The following DDX60 variants were observed in gnomAD, a reference collection of about 807,000 sequenced individuals.
DDX60 encodes the protein DExD/H-box helicase 60, also known as probable ATP-dependent RNA helicase DDX60.
Under a neutral mutation model 212.8 loss-of-function variants are expected in DDX60, and 165 were observed. The ratio of observed to expected loss-of-function variants is 0.78; its 90% CI spans 0.68 to 0.88. The LOEUF (loss-of-function observed/expected upper bound fraction) is 0.88. Ranked by LOEUF, DDX60 falls within the 40% of genes least tolerant of loss-of-function variation. The pLI, the probability that DDX60 is intolerant of heterozygous loss-of-function variation, is 0.00. For missense variants in DDX60, 1,905 were observed against 2,003.9 expected, an observed-to-expected ratio of 0.95 and a Z score of 0.94; for synonymous variants, 703 against 685.3, an observed-to-expected ratio of 1.03 and a Z score of -0.40.
chr4:168,263,010 C>G (rs1011247860), intron 22 of DDX60, among the ~76,000 whole-genome samples: 1 of 152,088 alleles, frequency 6.6e-6, no homozygotes, highest in East Asian at 1.9e-4. Flanking sequence ...TATTACTTCC[C>G]AAGACCTTTT....
chr4:168,264,942 G>C (rs994733520), intron 22 of DDX60, among the ~76,000 whole-genome samples: 2 of 152,288 alleles, frequency 1.3e-5, no homozygotes, highest in Non-Finnish European at 2.9e-5. Context: ...ATTATACCAT[G>C]ATGCTATTTT....
intron 30 of DDX60, among the ~76,000 whole-genome samples, chr4:168,241,388 G>A (rs1420552166): frequency 6.6e-6 from 1 of 152,140 alleles, no homozygotes; most frequent in Non-Finnish European, 1.5e-5. Context: ...AAGCAGACAG[G>A]AACATGTGGG....
rs763236332 is a variant in DDX60, at chr4:168,261,032, A to C, written c.3274-43T>G. The C allele has an allele frequency of 1.9e-6, 3 of 1,567,808 alleles. No homozygotes were observed. The South Asian group carries it at 3.6e-5, about 19-fold the overall frequency. Reference sequence around the variant, plus strand: ...AAACAATTTTAAGTTCTGCATGAGAAAGAAAGAAATTACTACTTTTTGCTA... The same window carrying C: ...AAACAATTTTAAGTTCTGCATGAGACAGAAAGAAATTACTACTTTTTGCTA... On this transcript the variant is annotated intron_variant, in intron 24 of 37. Coordinates refer to ENST00000393743, the MANE Select transcript of DDX60 (RefSeq NM_017631.6).
intron 27 of DDX60, 66 bp from the exon 28 acceptor site, chr4:168,251,172 A>C: frequency 7.0e-7 from 1 of 1,429,568 alleles, no homozygotes. Flanking sequence ...TGTCTAAATG[A>C]AAATAACATG....
chr4:168,288,059 G>A, intron 9 of DDX60, 115 bp downstream of exon 9: 1 of 644,848 alleles, frequency 1.6e-6, no homozygotes, highest in Non-Finnish European at 2.5e-6. Context: ...GAACAAAGAT[G>A]AAAATAATTG....
At chr4:168,262,853 G>T in intron 22 of DDX60, 66 bp from the exon 23 acceptor site, 1 of 1,118,006 alleles carries the variant, frequency 8.9e-7, no homozygotes, top group Non-Finnish European at 1.3e-6. Context: ...TTGCCTCTTA[G>T]TCACTATCAT....
intron 6 of DDX60, among the ~76,000 whole-genome samples, chr4:168,300,589 T>C (rs1439488511): frequency 3.3e-5 from 5 of 151,754 alleles, no homozygotes; most frequent in Non-Finnish European, 5.9e-5. Context: ...AATGTGTGTG[T>C]GTGTGTGTGT....
intron 1 of DDX60, among the ~76,000 whole-genome samples, chr4:168,318,235 G>A (rs902858016): frequency 6.6e-6 from 1 of 152,224 alleles, no homozygotes; most frequent in African/African-American, 2.4e-5. Flanking sequence ...AGGGATTGAA[G>A]GTGGAAGCTT....
chr4:168,246,757 C>CA (rs1734037850), intron 29 of DDX60, 139 bp from the exon 30 acceptor site: 1 of 841,656 alleles, frequency 1.2e-6, no homozygotes, highest in Admixed American at 2.7e-5. Flanking sequence ...CACTAACATG[C>CA]AACTACATAG....
chr4:168,249,315 T>C (rs1476745818), intron 28 of DDX60, among the ~76,000 whole-genome samples: 2 of 152,212 alleles, frequency 1.3e-5, no homozygotes. Flanking sequence ...ATGCTGGGTA[T>C]TTCTAATCAT....
At chr4:168,324,427 G>A in the DDX60 span, among the ~76,000 whole-genome samples, 3 of 152,308 alleles carry the variant, frequency 2.0e-5, no homozygotes, top group South Asian at 6.2e-4. Flanking sequence ...CTACAGTGAA[G>A]AAGTCCCTGA....
chr4:168,220,718 C>G lies in DDX60; in HGVS notation c.4977-1G>C. ...ATAATAAGCATCTCCTTCATTCATC[C>G]TAAAGAAAACAACATTTTGAAAATT... On this transcript the variant is annotated splice_acceptor_variant, in intron 36 of 37. Transcript: ENST00000393743. LOFTEE classifies it high-confidence loss of function. 1 of 1,403,456 alleles carries G rather than the reference C, an allele frequency of 7.1e-7. No individual in the cohort carries two copies. Among genetic ancestry groups the G allele is most frequent in the Non-Finnish European group, 9.4e-7 (1 of 1,066,756 alleles). The allele number at this position is 1,403,456 out of a possible 1,614,324, so 86.9% of individuals were successfully genotyped here.
chr4:168,291,660 T>C, intron 8 of DDX60, 88 bp downstream of exon 8: 1 of 1,250,688 alleles, frequency 8.0e-7, no homozygotes, highest in Non-Finnish European at 1.1e-6. Flanking sequence ...CTAATAGTAG[T>C]CCCACATAAG....
intron 10 of DDX60, among the ~76,000 whole-genome samples, chr4:168,286,596 T>C (rs914999308): frequency 6.6e-6 from 1 of 152,076 alleles, no homozygotes; most frequent in East Asian, 1.9e-4. Flanking sequence ...TTTGTCGGGA[T>C]CCTTTCTTAT....
intron 4 of DDX60, 109 bp downstream of exon 4, chr4:168,307,896 AC>A (rs1364753923): frequency 3.6e-6 from 2 of 556,582 alleles, no homozygotes; most frequent in Non-Finnish European, 5.4e-6. Flanking sequence ...AATTTTCTGA[AC>A]TTTTATAGAT....
At chr4:168,241,325 G>T (rs1733829595) in intron 30 of DDX60, among the ~76,000 whole-genome samples, 1 of 152,240 alleles carries the variant, frequency 6.6e-6, no homozygotes, top group Non-Finnish European at 1.5e-5. Flanking sequence ...AAATGTGGAA[G>T]TGACTTTGGA....
intron 37 of DDX60, among the ~76,000 whole-genome samples, chr4:168,218,730 T>C (rs190736497): frequency 1.3e-5 from 2 of 152,280 alleles, no homozygotes; most frequent in East Asian, 3.9e-4. Flanking sequence ...AATCTCCATG[T>C]TGACATAGTG....
chr4:168,273,163 T>G, intron 18 of DDX60, 116 bp downstream of exon 18: 3 of 1,092,878 alleles, frequency 2.7e-6, no homozygotes, highest in Non-Finnish European at 3.8e-6. Context: ...TTGTCTTTCA[T>G]AAATTCAAAT....
chr4:168,246,343 C>A, intron 30 of DDX60, 75 bp downstream of exon 30: 1 of 1,569,130 alleles, frequency 6.4e-7, no homozygotes, highest in South Asian at 1.1e-5. Flanking sequence ...CTACAGACTT[C>A]TAAAAGAACA....
Sources: allele counts gnomAD v4.1 joint callset (sites outside exome capture counted in the v4.1 genomes callset), GRCh38; gene constraint gnomAD v4.1.1; transcripts MANE v1.5; gene names NCBI Gene and HGNC (gene_info 2026-07-23, HGNC 2026-07-21).